Variants in GRM1 observed in about 807,000 individuals in gnomAD.
GRM1 encodes metabotropic glutamate receptor 1.
In GRM1, 33 loss-of-function variants were observed where a neutral mutation model predicts 90.9. That is an observed-to-expected ratio of 0.36 (90% CI 0.28 to 0.49). GRM1 has a LOEUF of 0.49. Among genes scored for constraint, GRM1 ranks in the 20% least tolerant of loss-of-function variants. The probability of loss-of-function intolerance (pLI) is 0.99; values close to 1 mark genes in which losing one functional copy is unlikely to be tolerated. For missense variants in GRM1, 1,190 were observed against 1,534.3 expected, an observed-to-expected ratio of 0.78 and a Z score of 3.75; for synonymous variants, 700 against 613.2, an observed-to-expected ratio of 1.14 and a Z score of -2.09.
At chr6:146,269,310 T>C (rs73577143) in intron 2 of GRM1, among the ~76,000 whole-genome samples, 8,112 of 152,318 alleles carry the variant, frequency 0.053, 707 homozygotes, top group African/African-American at 0.18. Flanking sequence ...TGTCTAACTT[T>C]GCATGTCTCT....
At chr6:146,393,734 T>C (rs1158648984) in intron 6 of GRM1, among the ~76,000 whole-genome samples, 5 of 152,072 alleles carry the variant, frequency 3.3e-5, no homozygotes, top group Non-Finnish European at 7.4e-5. Context: ...CAAGCTACCA[T>C]TGACTTTCTT....
chr6:146,337,486 G>C (rs1247694960), intron 3 of GRM1, among the ~76,000 whole-genome samples: 1 of 152,132 alleles, frequency 6.6e-6, no homozygotes, highest in Non-Finnish European at 1.5e-5. Flanking sequence ...GTAAACAAAG[G>C]AACTAAACTA....
chr6:146,091,272 G>A (rs1776706262), intron 1 of GRM1, among the ~76,000 whole-genome samples: 2 of 152,208 alleles, frequency 1.3e-5, no homozygotes, highest in South Asian at 4.2e-4. Context: ...AGGAGGCAAA[G>A]AGTACCTTTT....
rs1776426357 is a variant in GRM1, at chr6:146,083,262, A to G, written c.700+53045A>G. ...CTGATTGCCCTGGCCAGAACTTCCA[A>G]TACTATGTTGAATAGGAGTGGTGAG... On this transcript the variant is annotated intron_variant, in intron 1 of 7. Transcript: ENST00000282753. Among the ~76,000 whole-genome samples the G allele has an allele frequency of 3.3e-5, 5 of 152,290 alleles. No homozygotes were observed. In the South Asian group the frequency reaches 1.0e-3, roughly 32 times the overall value.
intron 3 of GRM1, among the ~76,000 whole-genome samples, chr6:146,322,579 A>ATTTTC (rs1260919028): frequency 7.2e-6 from 1 of 139,636 alleles, no homozygotes; most frequent in African/African-American, 2.9e-5. Flanking sequence ...CCTTTCTTTT[A>ATTTTC]TTTTATTTTA....
chr6:146,278,950 C>A (rs1782471311), intron 2 of GRM1, among the ~76,000 whole-genome samples: 1 of 152,126 alleles, frequency 6.6e-6, no homozygotes, highest in Non-Finnish European at 1.5e-5. Flanking sequence ...CCTAATCCGC[C>A]CGCCTCGGCC....
intron 2 of GRM1, among the ~76,000 whole-genome samples, chr6:146,300,844 T>C (rs778691208): frequency 6.6e-6 from 1 of 152,198 alleles, no homozygotes; most frequent in Non-Finnish European, 1.5e-5. Flanking sequence ...AGAAAGATCC[T>C]CTACCAGGAA....
intron 2 of GRM1, among the ~76,000 whole-genome samples, chr6:146,281,367 A>G (rs1294180259): frequency 1.3e-5 from 2 of 152,192 alleles, no homozygotes; most frequent in Non-Finnish European, 2.9e-5. Flanking sequence ...AACCCTTAGT[A>G]AGCAAGATGC....
chr6:146,078,380 T>A (rs1217946898), intron 1 of GRM1, among the ~76,000 whole-genome samples: 1 of 152,184 alleles, frequency 6.6e-6, no homozygotes, highest in African/African-American at 2.4e-5. Context: ...AAATAGCAGC[T>A]GTGGAAATAC....
At chr6:146,350,030 C>A (rs963814353) in intron 3 of GRM1, among the ~76,000 whole-genome samples, 1 of 152,160 alleles carries the variant, frequency 6.6e-6, no homozygotes, top group Non-Finnish European at 1.5e-5. Flanking sequence ...CTAACACTAA[C>A]TTTCTCTCTA....
chr6:146,158,341 T>C (rs1391864522), intron 1 of GRM1, among the ~76,000 whole-genome samples: 1 of 152,098 alleles, frequency 6.6e-6, no homozygotes, highest in Non-Finnish European at 1.5e-5. Context: ...GAAATTTTGA[T>C]GAGGTTGAAA....
chr6:146,312,113 G>A (rs1273729111), intron 3 of GRM1, among the ~76,000 whole-genome samples: 3 of 151,870 alleles, frequency 2.0e-5, no homozygotes, highest in Non-Finnish European at 4.4e-5. Context: ...AGGCCGAGGT[G>A]GGCGGATCAA....
At chr6:146,037,476 G>A (rs1203356037) in intron 1 of GRM1, among the ~76,000 whole-genome samples, 2 of 151,870 alleles carry the variant, frequency 1.3e-5, no homozygotes, top group African/African-American at 2.4e-5. Flanking sequence ...TCAAGCCAAA[G>A]TTTTCTTTCT....
At chr6:146,034,621 G>A (rs1302320570) in intron 1 of GRM1, among the ~76,000 whole-genome samples, 1 of 151,882 alleles carries the variant, frequency 6.6e-6, no homozygotes, top group African/African-American at 2.4e-5. Flanking sequence ...TAGTATTCCA[G>A]CTTTGTGTCT....
At chr6:146,141,433 G>A (rs1776877775) in intron 1 of GRM1, among the ~76,000 whole-genome samples, 1 of 151,528 alleles carries the variant, frequency 6.6e-6, no homozygotes, top group African/African-American at 2.4e-5. Flanking sequence ...TCTTTCTCTT[G>A]GTTTGGGAAG....
At chr6:146,174,670 G>T (rs1376988163) in intron 2 of GRM1, among the ~76,000 whole-genome samples, 1 of 152,138 alleles carries the variant, frequency 6.6e-6, no homozygotes, top group Non-Finnish European at 1.5e-5. Flanking sequence ...TATGTTTTGG[G>T]TTATTAGATT....
chr6:146,070,339 G>A (rs750369317), intron 1 of GRM1, among the ~76,000 whole-genome samples: 1 of 151,982 alleles, frequency 6.6e-6, no homozygotes, highest in Admixed American at 6.6e-5. Context: ...CACTCAATAC[G>A]CATGATTTTA....
chr6:146,316,910 C>G (rs1783993747), intron 3 of GRM1, among the ~76,000 whole-genome samples: 1 of 152,164 alleles, frequency 6.6e-6, no homozygotes, highest in Admixed American at 6.6e-5. Context: ...AGGCTGCCAG[C>G]TTTTTAATTT....
At chr6:146,349,232 A>ATT (rs11343198) in intron 3 of GRM1, among the ~76,000 whole-genome samples, 3 of 134,686 alleles carry the variant, frequency 2.2e-5, no homozygotes, top group Non-Finnish European at 4.9e-5. Flanking sequence ...ATGCCCGGCT[A>ATT]TTTTTTTTTT....
Sources: gnomAD v4.1 joint callset for allele counts (sites outside exome capture counted in the v4.1 genomes callset) on GRCh38, gnomAD v4.1.1 for gene constraint, MANE v1.5 for transcripts, NCBI Gene and HGNC (gene_info 2026-07-23, HGNC 2026-07-21) for gene names.